The following ZNF782 variants were observed in gnomAD, a reference collection of about 807,000 sequenced individuals.
ZNF782 encodes zinc finger protein 782.
ZNF782 carries 12 observed loss-of-function variants against 13.0 expected under a neutral mutation model. The ratio of observed to expected loss-of-function variants is 0.92; its 90% CI spans 0.59 to 1.50. The LOEUF (loss-of-function observed/expected upper bound fraction) is 1.50, where lower values mean the gene tolerates loss of function less well. Ranked by LOEUF, ZNF782 falls within the 40% of genes most tolerant of loss-of-function variation. The pLI, the probability that ZNF782 is intolerant of heterozygous loss-of-function variation, is 0.00. For missense variants in ZNF782, 770 were observed against 822.9 expected (o/e 0.94, Z 0.79); for synonymous variants, 284 against 283.0 (o/e 1.00, Z -0.04).
chr9:96,867,043 T>A (rs982992071), intron 1 of ZNF782, among the ~76,000 whole-genome samples: 1 of 152,236 alleles, frequency 6.6e-6, no homozygotes, highest in Admixed American at 6.5e-5. Context: ...GACTTTGGAC[T>A]GTGGACTTGT....
At chr9:96,907,567 T>C in the ZNF782 span, among the ~76,000 whole-genome samples, 2 of 152,280 alleles carry the variant, frequency 1.3e-5, no homozygotes, top group Non-Finnish European at 1.5e-5. Flanking sequence ...CCCATTCTGT[T>C]CCATTGATCT....
At chr9:96,877,199 G>T (rs1175659882), upstream of ZNF782, among the ~76,000 whole-genome samples, 1 of 152,130 alleles carries the variant, frequency 6.6e-6, no homozygotes, top group East Asian at 1.9e-4. Context: ...TCCGTGAGAT[G>T]ATAAATTTAA....
At chr9:96,917,917 T>C in the ZNF782 span, among the ~76,000 whole-genome samples, 8 of 150,496 alleles carry the variant, frequency 5.3e-5, no homozygotes, top group East Asian at 9.7e-4. Context: ...TGTGTGTGTG[T>C]GTGTGTGTGT....
chr9:96,866,587 T>A (rs923996038), intron 1 of ZNF782, among the ~76,000 whole-genome samples: 2 of 152,150 alleles, frequency 1.3e-5, no homozygotes, highest in African/African-American at 4.8e-5. Context: ...ACAGAGTCGC[T>A]ACCTGGGCAC....
the ZNF782 span, chr9:96,889,457 T>C: frequency 6.6e-6 from 1 of 152,126 alleles, no homozygotes; most frequent in Admixed American, 6.6e-5. Context: ...TGGAGTGACA[T>C]GGCACCATCT....
At position 96,819,713 on chromosome 9, in the gene ZNF782, C is replaced by T. The variant is rs1229907457; in HGVS notation, c.310G>A (p.Val104Ile). The change falls in exon 6 of 6, where the codon GTT becomes ATT. Residue 104 changes from valine to isoleucine, a missense_variant. By Grantham distance (29) the Val-to-Ile change is conservative. Coordinates refer to ENST00000481138, the MANE Select transcript of ZNF782 (RefSeq NM_001001662.3). ...PENQGKHLLQ[V>I]LFTNKLLTTE... The stretch of plus-strand genomic sequence containing the variant: ...GTCAATAATTTATTGGTGAATAAAA[C>T]TTGCAACAAATGTTTGCCTTGATTT... 6.2e-7 allele frequency: 1 copy of T among 1,612,760 alleles called. No individual in the cohort carries two copies. The highest frequency in any genetic ancestry group is 8.5e-7 in the Non-Finnish European group (1 of 1,179,664).
At chr9:96,855,081 G>C (rs1305055584), upstream of ZNF782, among the ~76,000 whole-genome samples, 1 of 152,224 alleles carries the variant, frequency 6.6e-6, no homozygotes, top group African/African-American at 2.4e-5. Context: ...CCCCAGGCGT[G>C]AGGGTTCTAA....
At chr9:96,912,103 A>C in the ZNF782 span, among the ~76,000 whole-genome samples, 1 of 142,878 alleles carries the variant, frequency 7.0e-6, no homozygotes, top group African/African-American at 2.6e-5. Flanking sequence ...GGAGAGGCTG[A>C]GGCAGGAGAA....
intron 4 of ZNF782, among the ~76,000 whole-genome samples, chr9:96,842,680 T>C (rs894322465): frequency 6.6e-6 from 1 of 152,086 alleles, no homozygotes; most frequent in Non-Finnish European, 1.5e-5. Context: ...TAGGACAACA[T>C]TTTTACAAAA....
intron 4 of ZNF782, among the ~76,000 whole-genome samples, chr9:96,844,681 T>C (rs959277899): frequency 6.6e-6 from 1 of 152,204 alleles, no homozygotes; most frequent in Non-Finnish European, 1.5e-5. Context: ...GTAATCAATG[T>C]ATACATTTTT....
chr9:96,886,542 C>T, the ZNF782 span, among the ~76,000 whole-genome samples: 1 of 152,156 alleles, frequency 6.6e-6, no homozygotes, highest in East Asian at 1.9e-4. Context: ...GGTTAAACAT[C>T]AGTACTAGTA....
chr9:96,827,363 T>A (rs1469377331), intron 4 of ZNF782, among the ~76,000 whole-genome samples, 182 bp from the exon 5 acceptor site: 1 of 151,958 alleles, frequency 6.6e-6, no homozygotes, highest in Admixed American at 6.6e-5. Flanking sequence ...ACAGGGTCCC[T>A]ATGTCACTCA....
the ZNF782 span, among the ~76,000 whole-genome samples, chr9:96,883,911 A>T: frequency 6.6e-6 from 1 of 152,198 alleles, no homozygotes; most frequent in Non-Finnish European, 1.5e-5. Flanking sequence ...CCAACCCAGA[A>T]CTACCAATAG....
the ZNF782 span, among the ~76,000 whole-genome samples, chr9:96,899,959 C>G: frequency 6.6e-6 from 1 of 151,746 alleles, no homozygotes; most frequent in East Asian, 1.9e-4. Flanking sequence ...GCCACCACAT[C>G]CCGCTAATTT....
intron 1 of ZNF782, among the ~76,000 whole-genome samples, chr9:96,874,846 A>T (rs908322147): frequency 3.3e-5 from 5 of 152,342 alleles, no homozygotes; most frequent in Admixed American, 3.3e-4. Context: ...TAGGGACACA[A>T]ACCTGGCCCT....
rs868521341 is a variant in ZNF782, at chr9:96,824,253, C to T, written c.244+2827G>A. 4.9e-3 allele frequency among the ~76,000 whole-genome samples: 733 copies of T among 151,032 alleles called. 5 individuals carry two copies. The highest frequency in any genetic ancestry group is 0.016 in the African/African-American group (650 of 40,998). On this transcript the variant is annotated intron_variant, in intron 5 of 5. Coordinates refer to ENST00000481138, the MANE Select transcript of ZNF782 (RefSeq NM_001001662.3). Reference sequence around the variant, plus strand: ...TGGGATGCAAGGCTGGTTCAATATACGCAAATCAATAAATGTGATCCAGCA... The same window carrying T: ...TGGGATGCAAGGCTGGTTCAATATATGCAAATCAATAAATGTGATCCAGCA...
intron 3 of ZNF782, 86 bp downstream of exon 3, chr9:96,851,861 T>C: frequency 2.3e-6 from 3 of 1,296,054 alleles, no homozygotes; most frequent in Non-Finnish European, 1.1e-6. Context: ...ACTTATCTAT[T>C]TCTCCTTTTC....
chr9:96,885,603 T>A, the ZNF782 span, among the ~76,000 whole-genome samples: 1 of 152,130 alleles, frequency 6.6e-6, no homozygotes, highest in Non-Finnish European at 1.5e-5. Context: ...TGTCTCAAAT[T>A]TGGGAAAAGA....
intron 4 of ZNF782, among the ~76,000 whole-genome samples, chr9:96,839,666 C>A (rs185294255): frequency 1.3e-5 from 2 of 152,098 alleles, no homozygotes; most frequent in Non-Finnish European, 2.9e-5. Flanking sequence ...ACTCACCCCC[C>A]CCACCTGCTA....
Sources: allele counts gnomAD v4.1 joint callset (sites outside exome capture counted in the v4.1 genomes callset), GRCh38; gene constraint gnomAD v4.1.1; transcripts MANE v1.5; gene names NCBI Gene and HGNC (gene_info 2026-07-23, HGNC 2026-07-21).